The following TBCD variants were observed in gnomAD, a reference collection of about 807,000 sequenced individuals.
TBCD encodes tubulin folding cofactor D.
In TBCD, 105 loss-of-function variants were observed where a neutral mutation model predicts 169.3. The observed-to-expected ratio is 0.62, with a 90% CI of 0.53 to 0.73. TBCD has a LOEUF of 0.73. Among genes scored for constraint, TBCD ranks in the 30% least tolerant of loss-of-function variants. The probability of loss-of-function intolerance (pLI) is 0.00; values close to 1 mark genes in which losing one functional copy is unlikely to be tolerated. For synonymous variants in TBCD, 700 were observed against 643.9 expected (o/e 1.09, Z -1.32); for missense variants, 1,444 against 1,600.1 (o/e 0.90, Z 1.66).
intron 2 of TBCD, among the ~76,000 whole-genome samples, chr17:82,760,470 A>G (rs1442204199): frequency 1.3e-5 from 2 of 151,378 alleles, no homozygotes; most frequent in Non-Finnish European, 2.9e-5. Context: ...TTTTAGGTTT[A>G]TTTCTAGGTA....
At chr17:82,795,049 C>T (rs892619627) in intron 7 of TBCD, among the ~76,000 whole-genome samples, 1 of 152,184 alleles carries the variant, frequency 6.6e-6, no homozygotes, top group Non-Finnish European at 1.5e-5. Context: ...AGGCCAGTTA[C>T]AAGAGATGAT....
chr17:82,876,663 G>A (rs1233883876), intron 14 of TBCD, among the ~76,000 whole-genome samples: 1 of 152,192 alleles, frequency 6.6e-6, no homozygotes, highest in African/African-American at 2.4e-5. Flanking sequence ...TTGATTGGTC[G>A]AATTAACTTG....
intron 13 of TBCD, among the ~76,000 whole-genome samples, chr17:82,849,542 A>G (rs2055473265): frequency 6.6e-6 from 1 of 151,892 alleles, no homozygotes; most frequent in Admixed American, 6.6e-5. Context: ...TTTTTAGGTT[A>G]TCTCAAGTTC....
At chr17:82,860,380 C>T in intron 13 of TBCD, 1 of 985,466 alleles carries the variant, frequency 1.0e-6, no homozygotes, top group Non-Finnish European at 1.2e-6. Flanking sequence ...TGGCTCTTTT[C>T]CCTGTGGTGG....
chr17:82,779,163 C>T (rs2048788408), intron 6 of TBCD, among the ~76,000 whole-genome samples: 1 of 151,968 alleles, frequency 6.6e-6, no homozygotes, highest in Non-Finnish European at 1.5e-5. Context: ...AGGAATGCGC[C>T]ACCATGCCCA....
In TBCD at chr17:82,832,436, G is replaced by A. The variant is rs766759859; in HGVS notation, c.1318+17502G>A. The A allele has an allele frequency of 6.9e-5, 112 of 1,612,078 alleles. No homozygotes were observed. The highest frequency in any genetic ancestry group is 6.7e-4 in the South Asian group (61 of 91,092). ...ATGTAATGTGGCTTTTTTGGCTTCC[G>A]CTCTTTGAGGAGACTCATTTTCCTC... On this transcript the variant is annotated intron_variant, in intron 13 of 38. Coordinates refer to ENST00000355528, the MANE Select transcript of TBCD (RefSeq NM_005993.5). This position sits in a 1 kb window ranked among gnomAD's most constrained non-coding sequence, Gnocchi z 4.9.
intron 13 of TBCD, among the ~76,000 whole-genome samples, chr17:82,840,951 C>CCGTTTTT (rs2054436115): frequency 1.7e-5 from 1 of 57,984 alleles, no homozygotes; most frequent in East Asian, 6.1e-4. Context: ...GACAGACAAA[C>CCGTTTTT]TGGTTTTTTT....
At chr17:82,784,253 T>C (rs1221870589) in intron 7 of TBCD, among the ~76,000 whole-genome samples, 1 of 152,218 alleles carries the variant, frequency 6.6e-6, no homozygotes, top group Non-Finnish European at 1.5e-5. Context: ...TCTAAAAAGA[T>C]TTTTCTGGTG....
Position 82,927,298 on chromosome 17 carries a change from G to C in TBCD, c.2584G>C (p.Asp862His). ...GGGCTGCATGGACGACTACACCACG[G>C]ACAGCAGAGGGGACGTGGGCACCTG... is the stretch of plus-strand genomic sequence containing the variant. ...LLGCMDDYTTDSRGDVGTWVR... is the reference protein window; with the variant it reads ...LLGCMDDYTTHSRGDVGTWVR... The change falls in exon 29 of 39, where the codon GAC (aspartate) becomes CAC (histidine). Residue 862 changes from aspartate (D) to histidine (H), a missense_variant. Asp to His is a moderately conservative substitution (Grantham distance 81). Transcript: ENST00000355528. 6.2e-7 allele frequency: 1 copy of C among 1,613,996 alleles called. No homozygotes were observed. The highest frequency in any genetic ancestry group is 8.5e-7 in the Non-Finnish European group (1 of 1,179,876).
intron 14 of TBCD, among the ~76,000 whole-genome samples, chr17:82,877,582 C>T (rs1417744452): frequency 1.3e-5 from 2 of 152,162 alleles, no homozygotes; most frequent in African/African-American, 2.4e-5. Flanking sequence ...TCTCGTGATC[C>T]ACCCACCTTG....
chr17:82,756,767 C>T (rs1003061775), intron 2 of TBCD, among the ~76,000 whole-genome samples: 2 of 152,152 alleles, frequency 1.3e-5, no homozygotes, highest in African/African-American at 2.4e-5. Context: ...CGTGAGCCAC[C>T]GCGCCTGGCC....
intron 7 of TBCD, 72 bp from the exon 8 acceptor site, chr17:82,797,685 T>C: frequency 8.6e-7 from 1 of 1,159,250 alleles, no homozygotes; most frequent in Non-Finnish European, 1.2e-6. Flanking sequence ...TGAATTGTTT[T>C]CACAATTTGT....
At chr17:82,804,729 C>T (rs947650065) in intron 9 of TBCD, among the ~76,000 whole-genome samples, 3 of 152,238 alleles carry the variant, frequency 2.0e-5, no homozygotes, top group Admixed American at 6.5e-5. Context: ...GGTGGCAGCT[C>T]TCACCAGACT....
At chr17:82,937,922 C>T (rs776722340) in intron 35 of TBCD, 127 bp from the exon 36 acceptor site, 52 of 1,536,286 alleles carry the variant, frequency 3.4e-5, no homozygotes, top group Non-Finnish European at 4.5e-5. Flanking sequence ...GCTTGGGGCC[C>T]CAGGCCCGCA....
At position 82,889,604 on chromosome 17, in the gene TBCD, C is replaced by A. The variant is rs574232753; in HGVS notation, c.1534-64C>A. 3.1e-6 allele frequency: 5 copies of A among 1,605,044 alleles called. No homozygotes were observed. The South Asian group carries it at 5.5e-5, about 18-fold the overall frequency. On this transcript the variant is annotated intron_variant, in intron 15 of 38. Transcript: ENST00000355528. The surrounding 1 kb of genome is among the most constrained non-coding windows in gnomAD (Gnocchi z 5.3). ...TTCACGTTGTGCTGTTTGTTCTGAACTTGCCTCTGGTGTTGGCGGAAGCTG... is the reference window on the plus strand; with the variant it reads ...TTCACGTTGTGCTGTTTGTTCTGAAATTGCCTCTGGTGTTGGCGGAAGCTG...
chr17:82,753,447 C>CTTTTTTTTTTTTTTT (rs59839519), intron 1 of TBCD, among the ~76,000 whole-genome samples: 1 of 104,294 alleles, frequency 9.6e-6, no homozygotes, highest in Non-Finnish European at 1.8e-5. Context: ...TGGCTTCTTC[C>CTTTTTTTTTTTTTTT]TTTTTTTTTT....
rs1344189686 is a variant in TBCD, at chr17:82,758,402, AAT to A, written c.235+2189_235+2190del. 1.7e-4 allele frequency among the ~76,000 whole-genome samples: 16 copies of A among 93,688 alleles called. 1 individual carries two copies. The highest frequency in any genetic ancestry group is 5.4e-4 in the African/African-American group (14 of 25,822). 61.5% of individuals were successfully genotyped at this position (93,688 alleles called of 152,430 possible). A position where few individuals can be genotyped will look rare whatever the true frequency, so the allele number is the denominator to read the frequency against. On this transcript the variant is annotated intron_variant, in intron 2 of 38. Coordinates refer to ENST00000355528, the MANE Select transcript of TBCD (RefSeq NM_005993.5). ...CGTCTCGGAAAAAAAAAAAAAAAAAAATAAATAAATAAATAAATTTTTTTTTT... is the reference window on the plus strand; with the variant it reads ...CGTCTCGGAAAAAAAAAAAAAAAAAAAAATAAATAAATAAATTTTTTTTTT...
chr17:82,856,992 G>T (rs1055812124), intron 13 of TBCD, among the ~76,000 whole-genome samples: 1 of 151,760 alleles, frequency 6.6e-6, no homozygotes, highest in Non-Finnish European at 1.5e-5. Context: ...GGGCGGGATC[G>T]CTGGACCGCG....
At chr17:82,939,053 A>G (rs1435217818) in intron 36 of TBCD, 1 of 426,466 alleles carries the variant, frequency 2.3e-6, no homozygotes, top group Non-Finnish European at 4.3e-6. Flanking sequence ...CAGGTTAGTT[A>G]ATAGAGAGCA....
Sources: allele counts gnomAD v4.1 joint callset (sites outside exome capture counted in the v4.1 genomes callset), GRCh38; gene constraint gnomAD v4.1.1; non-coding constraint Gnocchi (gnomAD v3.1); transcripts MANE v1.5; gene names NCBI Gene and HGNC (gene_info 2026-07-23, HGNC 2026-07-21).